TACC1: variants seen among roughly 807,000 people sequenced by gnomAD.
TACC1 encodes the protein transforming acidic coiled-coil containing protein 1.
Under a neutral mutation model 84.4 loss-of-function variants are expected in TACC1, and 48 were observed. The ratio of observed to expected loss-of-function variants is 0.57; its 90% CI spans 0.45 to 0.72. The LOEUF (loss-of-function observed/expected upper bound fraction) is 0.72, where lower values mean the gene tolerates loss of function less well. Ranked by LOEUF, TACC1 falls within the 30% of genes least tolerant of loss-of-function variation. The pLI is 0.00. For synonymous variants in TACC1, 372 were observed against 376.3 expected, an observed-to-expected ratio of 0.99 and a Z score of 0.13; for missense variants, 920 against 973.0, an observed-to-expected ratio of 0.95 and a Z score of 0.72.
At chr8:38,762,427 G>A (rs1019782309) in intron 3 of TACC1, among the ~76,000 whole-genome samples, 4 of 152,158 alleles carry the variant, frequency 2.6e-5, no homozygotes, top group East Asian at 1.9e-4. Context: ...TCCTCAAGGT[G>A]TGTCCATGTC....
intron 2 of TACC1, among the ~76,000 whole-genome samples, chr8:38,811,007 A>C (rs1823980425): frequency 6.6e-6 from 1 of 152,038 alleles, no homozygotes; most frequent in Non-Finnish European, 1.5e-5. Context: ...AGTCCCAGCT[A>C]CTTGGGAGGC....
intron 1 of TACC1, 54 bp from the exon 2 acceptor site, chr8:38,788,650 G>C: frequency 7.5e-7 from 1 of 1,336,504 alleles, no homozygotes; most frequent in Non-Finnish European, 1.1e-6. Context: ...AGATTTCAAA[G>C]GGTGTCGGAA....
chr8:38,813,839 C>T (rs1824806246), intron 2 of TACC1, among the ~76,000 whole-genome samples: 1 of 152,158 alleles, frequency 6.6e-6, no homozygotes, highest in Non-Finnish European at 1.5e-5. Flanking sequence ...AGTTTGAATA[C>T]ATTTGGTCTC....
intron 2 of TACC1, among the ~76,000 whole-genome samples, chr8:38,800,992 C>T (rs968138345): frequency 3.3e-5 from 5 of 152,172 alleles, no homozygotes; most frequent in African/African-American, 4.8e-5. Context: ...TTGCATTTCC[C>T]TAATGGCTGA....
At chr8:38,778,681 G>C (rs1815329472) in intron 3 of TACC1, among the ~76,000 whole-genome samples, 1 of 152,120 alleles carries the variant, frequency 6.6e-6, no homozygotes, top group South Asian at 2.1e-4. Flanking sequence ...CAGTTTTTAG[G>C]CTTCCTGCTT....
chr8:38,766,909 A>T (rs1329537139), intron 3 of TACC1, among the ~76,000 whole-genome samples: 2 of 152,232 alleles, frequency 1.3e-5, no homozygotes, highest in Non-Finnish European at 2.9e-5. Flanking sequence ...GCTTCTGTTT[A>T]TCTACTAGAA....
intron 2 of TACC1, among the ~76,000 whole-genome samples, chr8:38,817,936 A>C (rs540800631): frequency 0.01 from 1,524 of 149,424 alleles, 39 homozygotes; most frequent in Admixed American, 0.051. Flanking sequence ...AAAAAAAAAA[A>C]AAAAAAAAAA....
At chr8:38,806,002 C>T (rs934603018) in intron 2 of TACC1, among the ~76,000 whole-genome samples, 2 of 152,204 alleles carry the variant, frequency 1.3e-5, no homozygotes, top group African/African-American at 2.4e-5. Flanking sequence ...GGCTTCTATT[C>T]TCTAGTTGTC....
intron 1 of TACC1, among the ~76,000 whole-genome samples, chr8:38,733,766 C>T (rs1016591019): frequency 6.6e-5 from 10 of 152,110 alleles, no homozygotes; most frequent in African/African-American, 2.4e-4. Context: ...CCCCTTCCTT[C>T]CTCACCTCCA....
intron 2 of TACC1, among the ~76,000 whole-genome samples, chr8:38,790,647 T>G (rs1331438285): frequency 6.6e-6 from 1 of 152,232 alleles, no homozygotes; most frequent in East Asian, 1.9e-4. Flanking sequence ...GCTTAGCAAC[T>G]TCTTCGTAGG....
Position 38,820,348 on chromosome 8 carries a change from A to G in TACC1, c.1104A>G (p.Thr368=), listed in dbSNP as rs1161173657. 1.9e-6 allele frequency: 3 copies of G among 1,614,178 alleles called. No individual in the cohort carries two copies. The highest frequency in any genetic ancestry group is 2.5e-6 in the Non-Finnish European group (3 of 1,180,032). Residue 368 remains threonine, a synonymous_variant, in exon 3 of 13, where the codon ACA becomes ACG. Coordinates refer to ENST00000317827, the MANE Select transcript of TACC1 (RefSeq NM_006283.3). Reference sequence around the variant, plus strand: ...AGTCAGCAGGTTTAGAACAGCCTACAGACCCAGTGGCACGAGACGGGCCTC... The same window carrying G: ...AGTCAGCAGGTTTAGAACAGCCTACGGACCCAGTGGCACGAGACGGGCCTC... ...ISKSAGLEQP[T]DPVARDGPLS... is the part of the protein sequence containing the mutation.
chr8:38,788,791 A>G lies in TACC1; in HGVS notation c.249A>G (p.Gly83=), dbSNP rs1306597648. The change falls in exon 2 of 13, where the codon GGA becomes GGG. Residue 83 remains glycine (G), a synonymous_variant. Coordinates refer to ENST00000317827, the MANE Select transcript of TACC1 (RefSeq NM_006283.3). The stretch of plus-strand genomic sequence containing the variant: ...AGGAGTCCTGTGATCCATCACTCGG[A>G]TTGGCAGGACCTGGGGCCAAAAGCC... ...PFKESCDPSL[G]LAGPGAKSQE... 1 of 1,613,518 alleles carries G rather than the reference A, an allele frequency of 6.2e-7. No homozygotes were observed. The highest frequency in any genetic ancestry group is 8.5e-7 in the Non-Finnish European group (1 of 1,179,668).
chr8:38,755,067 G>C lies in TACC1; in HGVS notation c.26+9574G>C, dbSNP rs180970834. On this transcript the variant is annotated intron_variant, in intron 3 of 14. Coordinates refer to the TACC1 transcript ENST00000518415. ...CACAGCTACTCGGGAGGCTGAGGCA[G>C]GAGAATCATTTGAACCCGGGAGGCA... Among the ~76,000 whole-genome samples the C allele has an allele frequency of 1.3e-4, 20 of 151,256 alleles. No individual in the cohort carries two copies. The East Asian group carries it at 3.7e-3, about 28-fold the overall frequency.
At chr8:38,788,527 A>AG (rs1288385629) in intron 1 of TACC1, 177 bp from the exon 2 acceptor site, 4 of 523,154 alleles carry the variant, frequency 7.6e-6, no homozygotes, top group Non-Finnish European at 1.4e-5. Context: ...GAGAAACCCA[A>AG]GGAGGGCACT....
intron 2 of TACC1, chr8:38,805,432 C>T (rs1305870656): frequency 6.6e-6 from 1 of 152,284 alleles, no homozygotes; most frequent in Non-Finnish European, 1.5e-5. Flanking sequence ...AAGCAGAAGT[C>T]CAGCTGCAGG....
In TACC1 at chr8:38,798,606, C is replaced by CGTGTGTGTGTGTGTGT. The variant is rs10631964; in HGVS notation, c.277+9806_277+9821dup. On this transcript the variant is annotated intron_variant, in intron 2 of 12. Coordinates refer to ENST00000317827, the MANE Select transcript of TACC1 (RefSeq NM_006283.3). ...CAGGTAGTTTGTTGTCTGGGTTCTG[C>CGTGTGTGTGTGTGTGT]GTGTGTGTGTGTGTGTGTGTGTGTG... is the stretch of plus-strand genomic sequence containing the variant. Among the ~76,000 whole-genome samples the CGTGTGTGTGTGTGTGT allele has an allele frequency of 1.1e-3, 165 of 143,490 alleles. 1 individual carries two copies. Among genetic ancestry groups the CGTGTGTGTGTGTGTGT allele is most frequent in the East Asian group, 3.5e-3 (17 of 4,832 alleles). The allele number at this position is 143,490 out of a possible 152,430, so 94.1% of individuals were successfully genotyped here. A position where few individuals can be genotyped will look rare whatever the true frequency, so the allele number is the denominator to read the frequency against.
chr8:38,785,404 C>G (rs1473850467), upstream of TACC1, among the ~76,000 whole-genome samples: 1 of 152,058 alleles, frequency 6.6e-6, no homozygotes, highest in Non-Finnish European at 1.5e-5. Context: ...GCTAGGAATA[C>G]AAAAGGATGG....
Position 38,848,148 on chromosome 8 carries a change from T to G in TACC1, c.*125T>G, listed in dbSNP as rs528827418. 1 of 790,618 alleles carries G rather than the reference T, an allele frequency of 1.3e-6. No homozygotes were observed. Among genetic ancestry groups the G allele is most frequent in the Non-Finnish European group, 2.0e-6 (1 of 502,334 alleles). The allele number at this position is 790,618 out of a possible 1,614,324, so 49.0% of individuals were successfully genotyped here. A position where few individuals can be genotyped will look rare whatever the true frequency, so the allele number is the denominator to read the frequency against. On this transcript the variant is annotated 3_prime_UTR_variant, in exon 13 of 13. Transcript: ENST00000317827. ...AAAAAAAAAACTTAAAAAAAGCACATGCCTACTGCTGCCTGTCCCGCTTTG... is the reference window on the plus strand; with the variant it reads ...AAAAAAAAAACTTAAAAAAAGCACAGGCCTACTGCTGCCTGTCCCGCTTTG...
At chr8:38,806,268 A>G (rs1217426899) in intron 2 of TACC1, among the ~76,000 whole-genome samples, 2 of 152,066 alleles carry the variant, frequency 1.3e-5, no homozygotes, top group African/African-American at 4.8e-5. Flanking sequence ...GTGTGACAGT[A>G]CAGAGCAATG....
Sources: allele counts gnomAD v4.1 joint callset (sites outside exome capture counted in the v4.1 genomes callset), GRCh38; gene constraint gnomAD v4.1.1; transcripts MANE v1.5; gene names NCBI Gene and HGNC (gene_info 2026-07-23, HGNC 2026-07-21).